KSR2: variants seen among roughly 807,000 people sequenced by gnomAD.
KSR2 encodes kinase suppressor of ras 2.
Under a neutral mutation model 107.8 loss-of-function variants are expected in KSR2, and 25 were observed. The observed-to-expected ratio is 0.23, with a 90% CI of 0.17 to 0.32. The LOEUF (loss-of-function observed/expected upper bound fraction) is 0.32. KSR2 is among the 10% of genes least tolerant of loss of function. The pLI is 1.00. For synonymous variants in KSR2, 480 were observed against 507.0 expected, an observed-to-expected ratio of 0.95 and a Z score of 0.71; for missense variants, 887 against 1,268.9, an observed-to-expected ratio of 0.70 and a Z score of 4.57.
At chr12:117,547,109 T>C (rs1158691844) in intron 9 of KSR2, among the ~76,000 whole-genome samples, 1 of 152,238 alleles carries the variant, frequency 6.6e-6, no homozygotes, top group Non-Finnish European at 1.5e-5. Flanking sequence ...AGACTTTGGA[T>C]GTTATTTAAA....
chr12:117,741,191 T>C (rs1172191362), intron 4 of KSR2, among the ~76,000 whole-genome samples: 1 of 152,014 alleles, frequency 6.6e-6, no homozygotes, highest in African/African-American at 2.4e-5. Context: ...TATAACCTAT[T>C]GAATGAAATA....
intron 3 of KSR2, among the ~76,000 whole-genome samples, chr12:117,844,929 G>A (rs962348683): frequency 3.3e-5 from 5 of 152,240 alleles, no homozygotes; most frequent in South Asian, 2.1e-4. Context: ...GGTGGATCAC[G>A]AGGTCAGGAG....
chr12:117,933,483 G>A (rs1465859321), intron 1 of KSR2, among the ~76,000 whole-genome samples: 1 of 151,918 alleles, frequency 6.6e-6, no homozygotes, highest in Non-Finnish European at 1.5e-5. Context: ...CCAGCTACTT[G>A]GGAGGCTGAC....
At chr12:117,619,693 A>G (rs1882076345) in intron 5 of KSR2, among the ~76,000 whole-genome samples, 1 of 151,328 alleles carries the variant, frequency 6.6e-6, no homozygotes, top group African/African-American at 2.4e-5. Flanking sequence ...AAAAATACTA[A>G]TAACAACACA....
At chr12:117,580,431 T>A (rs1463759316) in intron 6 of KSR2, among the ~76,000 whole-genome samples, 1 of 152,218 alleles carries the variant, frequency 6.6e-6, no homozygotes, top group Non-Finnish European at 1.5e-5. Flanking sequence ...GCCAGCCACA[T>A]AGGAGTGGCG....
chr12:117,922,841 G>A (rs958380484), intron 1 of KSR2, among the ~76,000 whole-genome samples: 9 of 152,148 alleles, frequency 5.9e-5, no homozygotes, highest in African/African-American at 2.2e-4. Context: ...ATTATTTGTG[G>A]ATTATTCCAT....
intron 3 of KSR2, among the ~76,000 whole-genome samples, chr12:117,812,552 A>G (rs982959168): frequency 7.2e-5 from 11 of 152,172 alleles, no homozygotes; most frequent in African/African-American, 2.7e-4. Context: ...CAGATAGTAA[A>G]TGGTCCTGTA....
At chr12:117,758,767 C>T (rs1888889427) in intron 4 of KSR2, among the ~76,000 whole-genome samples, 1 of 152,190 alleles carries the variant, frequency 6.6e-6, no homozygotes, top group Non-Finnish European at 1.5e-5. Context: ...TGGCCTCCAT[C>T]TTGCAGATTA....
intron 3 of KSR2, among the ~76,000 whole-genome samples, chr12:117,806,202 C>T (rs1166824482): frequency 6.6e-6 from 1 of 152,132 alleles, no homozygotes; most frequent in Non-Finnish European, 1.5e-5. Context: ...TATGGGATTC[C>T]GGAGGCACTT....
chr12:117,961,609 C>T (rs2137608274), intron 1 of KSR2, among the ~76,000 whole-genome samples: 1 of 152,238 alleles, frequency 6.6e-6, no homozygotes, highest in South Asian at 2.1e-4. Context: ...CAAGCTATCG[C>T]ACCAACAGGC....
chr12:117,532,467 C>A (rs986171832), intron 10 of KSR2, among the ~76,000 whole-genome samples: 3 of 152,122 alleles, frequency 2.0e-5, no homozygotes, highest in Non-Finnish European at 4.4e-5. Flanking sequence ...CTAAGATAAT[C>A]CTCCCATCTC....
At chr12:117,915,313 T>G (rs1469509763) in intron 1 of KSR2, among the ~76,000 whole-genome samples, 1 of 152,196 alleles carries the variant, frequency 6.6e-6, no homozygotes, top group African/African-American at 2.4e-5. Flanking sequence ...TGAGGGCCCT[T>G]TGATGAAAAG....
chr12:117,913,944 T>C (rs1374553217), intron 1 of KSR2, among the ~76,000 whole-genome samples: 1 of 152,156 alleles, frequency 6.6e-6, no homozygotes, highest in Non-Finnish European at 1.5e-5. Flanking sequence ...ACCTCTCCCA[T>C]GACTTTTCTT....
intron 14 of KSR2, among the ~76,000 whole-genome samples, chr12:117,488,783 G>A (rs566263235): frequency 6.6e-6 from 1 of 150,626 alleles, no homozygotes; most frequent in South Asian, 2.1e-4. Context: ...TGCAACCTCT[G>A]ACTCCTGGGT....
intron 13 of KSR2, 22 bp downstream of exon 13, chr12:117,527,049 T>A: frequency 6.2e-7 from 1 of 1,611,538 alleles, no homozygotes; most frequent in Non-Finnish European, 8.5e-7. Flanking sequence ...AAAATGTCGC[T>A]TCACTGCTCT....
chr12:117,516,611 T>C (rs1874395250), intron 14 of KSR2, among the ~76,000 whole-genome samples: 2 of 152,306 alleles, frequency 1.3e-5, no homozygotes, highest in South Asian at 4.1e-4. Context: ...CACTATGCTA[T>C]AGTCTTTTCA....
intron 5 of KSR2, among the ~76,000 whole-genome samples, chr12:117,611,849 G>T (rs922894699): frequency 6.6e-6 from 1 of 152,128 alleles, no homozygotes; most frequent in Non-Finnish European, 1.5e-5. Flanking sequence ...TATGCTAAAC[G>T]AAATAAGCCA....
At chr12:117,903,387 T>C (rs1415407714) in intron 1 of KSR2, among the ~76,000 whole-genome samples, 2 of 152,192 alleles carry the variant, frequency 1.3e-5, no homozygotes, top group Non-Finnish European at 2.9e-5. Flanking sequence ...CAAATAAAAA[T>C]AGAGGATGTC....
rs1307953998 is a variant in KSR2 at position 117,462,337 on chromosome 12, T to C, written c.*4862A>G. 6.7e-6 allele frequency: 1 copy of C among 149,548 alleles called. No individual in the cohort carries two copies. Among genetic ancestry groups the C allele is most frequent in the Non-Finnish European group, 1.5e-5 (1 of 67,432 alleles). 9.3% of individuals were successfully genotyped at this position (149,548 alleles called of 1,614,324 possible). Reference sequence around the variant, plus strand: ...AGAGGGTCTTTGCAGATATAATTAGTTAAGATGAGGTCATACTGAAATAGG... The same window carrying C: ...AGAGGGTCTTTGCAGATATAATTAGCTAAGATGAGGTCATACTGAAATAGG... On this transcript the variant is annotated 3_prime_UTR_variant, in exon 20 of 20. Coordinates refer to ENST00000339824, the MANE Select transcript of KSR2 (RefSeq NM_173598.6).
Sources: allele counts gnomAD v4.1 joint callset (sites outside exome capture counted in the v4.1 genomes callset), GRCh38; gene constraint gnomAD v4.1.1; transcripts MANE v1.5; gene names NCBI Gene and HGNC (gene_info 2026-07-23, HGNC 2026-07-21).